SLC4A5: variants seen among roughly 807,000 people sequenced by gnomAD.
SLC4A5 encodes electrogenic sodium bicarbonate cotransporter 4.
In SLC4A5, 96 loss-of-function variants were observed where a neutral mutation model predicts 120.4. That is an observed-to-expected ratio of 0.80 (90% CI 0.68 to 0.94). SLC4A5 has a LOEUF of 0.94. SLC4A5 is among the 40% of genes least tolerant of loss of function. The pLI is 0.00. For missense variants in SLC4A5, 1,259 were observed against 1,459.5 expected, an observed-to-expected ratio of 0.86 and a Z score of 2.24; for synonymous variants, 550 against 571.1, an observed-to-expected ratio of 0.96 and a Z score of 0.53.
At chr2:74,290,059 C>T (rs1466602062) in intron 7 of SLC4A5, among the ~76,000 whole-genome samples, 2 of 152,134 alleles carry the variant, frequency 1.3e-5, no homozygotes, top group Non-Finnish European at 2.9e-5. Flanking sequence ...CGACCCCAGC[C>T]ACAGCAGACC....
intron 6 of SLC4A5, 86 bp downstream of exon 6, chr2:74,314,859 C>A (rs1371783972): frequency 4.8e-6 from 6 of 1,257,634 alleles, no homozygotes; most frequent in African/African-American, 1.5e-5. Context: ...TCCCTAGACT[C>A]TCCTGCTGAA....
exon 7 of SLC4A5, chr2:74,304,547 A>G: frequency 6.2e-7 from 1 of 1,614,184 alleles, no homozygotes; most frequent in Non-Finnish European, 8.5e-7. Flanking sequence ...TCCCTGGGCC[A>G]GTCAGTTCCT....
exon 30 of SLC4A5, chr2:74,221,493 A>G: frequency 6.2e-7 from 1 of 1,614,206 alleles, no homozygotes; most frequent in Non-Finnish European, 8.5e-7. Flanking sequence ...CAACTGGAAG[A>G]TCTTTTTCCT....
At chr2:74,231,693 G>A (rs1474649388) in intron 24 of SLC4A5, among the ~76,000 whole-genome samples, 1 of 152,230 alleles carries the variant, frequency 6.6e-6, no homozygotes, top group Non-Finnish European at 1.5e-5. Flanking sequence ...GAGGATACAT[G>A]CGAGATAAAA....
intron 30 of SLC4A5, among the ~76,000 whole-genome samples, chr2:74,220,810 C>G (rs1694615011): frequency 7.0e-6 from 1 of 142,330 alleles, no homozygotes; most frequent in African/African-American, 2.6e-5. Context: ...GCCACCGCGC[C>G]TGGCTTCTGT....
At chr2:74,269,518 C>A (rs1229805086) in intron 8 of SLC4A5, among the ~76,000 whole-genome samples, 1 of 152,204 alleles carries the variant, frequency 6.6e-6, no homozygotes, top group African/African-American at 2.4e-5. Flanking sequence ...CAGGCGTGAG[C>A]CACCGCGCCC....
At chr2:74,316,699 T>C (rs1235275966) in intron 5 of SLC4A5, among the ~76,000 whole-genome samples, 1 of 152,228 alleles carries the variant, frequency 6.6e-6, no homozygotes, top group East Asian at 1.9e-4. Context: ...CTCTAGCAGC[T>C]AAGCAAGCAC....
chr2:74,281,729 C>T (rs61328461), intron 8 of SLC4A5, among the ~76,000 whole-genome samples: 8,962 of 152,272 alleles, frequency 0.059, 335 homozygotes, highest in East Asian at 0.15. Flanking sequence ...AAACTAATAA[C>T]TCCCGACAAA....
At chr2:74,272,963 C>T (rs1411158131) in intron 8 of SLC4A5, among the ~76,000 whole-genome samples, 3 of 152,206 alleles carry the variant, frequency 2.0e-5, no homozygotes, top group African/African-American at 7.2e-5. Context: ...ATGGAAACTT[C>T]GTAACTCCCA....
intron 6 of SLC4A5, chr2:74,307,981 A>G: frequency 1.8e-6 from 1 of 563,002 alleles, no homozygotes; most frequent in Non-Finnish European, 3.5e-6. Context: ...TAGTTGGAGG[A>G]GAAGGTGGAA....
At chr2:74,316,128 G>C (rs982913174) in intron 5 of SLC4A5, among the ~76,000 whole-genome samples, 1 of 151,542 alleles carries the variant, frequency 6.6e-6, no homozygotes, top group East Asian at 1.9e-4. Flanking sequence ...TCTGTTTCTG[G>C]AACTATAGCC....
At chr2:74,283,292 T>C (rs1166797152) in intron 8 of SLC4A5, among the ~76,000 whole-genome samples, 1 of 152,096 alleles carries the variant, frequency 6.6e-6, no homozygotes, top group Non-Finnish European at 1.5e-5. Flanking sequence ...TTCCTATCTA[T>C]AAAATAGGGA....
chr2:74,285,599 T>C (rs1671956536), intron 8 of SLC4A5, among the ~76,000 whole-genome samples, 174 bp downstream of exon 8: 1 of 152,194 alleles, frequency 6.6e-6, no homozygotes. Flanking sequence ...TGAAGAGGAA[T>C]TCATAAGGTT....
exon 17 of SLC4A5, chr2:74,250,487 C>T: frequency 6.2e-7 from 1 of 1,614,226 alleles, no homozygotes; most frequent in Non-Finnish European, 8.5e-7. Flanking sequence ...GCAACTTCCT[C>T]TTGATATCCA....
chr2:74,233,580 A>T lies in SLC4A5; in HGVS notation c.2434-17T>A. 1 of 1,601,818 alleles carries T rather than the reference A, an allele frequency of 6.2e-7. No individual in the cohort carries two copies. Among genetic ancestry groups the T allele is most frequent in the Non-Finnish European group, 8.5e-7 (1 of 1,172,918 alleles). On this transcript the variant is annotated splice_polypyrimidine_tract_variant and intron_variant, in intron 22 of 30. Transcript: ENST00000394019. ...CCGCGTTGGCTGAGTGGGAGCAAACAGAGAGGGGCCCTTTCCTCTCTCCCT... is the reference window on the plus strand; with the variant it reads ...CCGCGTTGGCTGAGTGGGAGCAAACTGAGAGGGGCCCTTTCCTCTCTCCCT...
chr2:74,292,185 G>A (rs955541395), intron 7 of SLC4A5, among the ~76,000 whole-genome samples: 1 of 152,180 alleles, frequency 6.6e-6, no homozygotes, highest in Admixed American at 6.5e-5. Context: ...CACAGCACTC[G>A]TGTACACCAG....
intron 10 of SLC4A5, among the ~76,000 whole-genome samples, chr2:74,262,457 TG>T (rs1475203576): frequency 6.6e-6 from 1 of 151,216 alleles, no homozygotes; most frequent in Admixed American, 6.6e-5. Context: ...CCCAGCACTT[TG>T]GGAGGCTGAG....
At chr2:74,220,026 C>G (rs1490954415) in intron 30 of SLC4A5, among the ~76,000 whole-genome samples, 2 of 152,172 alleles carry the variant, frequency 1.3e-5, no homozygotes, top group Admixed American at 6.5e-5. Flanking sequence ...GGATGAGTGC[C>G]CTCTGTGCCT....
intron 6 of SLC4A5, chr2:74,307,160 A>C: frequency 1.8e-6 from 1 of 560,258 alleles, no homozygotes; most frequent in South Asian, 1.7e-5. Flanking sequence ...CAACCTTGGC[A>C]GACTGCATGG....
Sources: gnomAD v4.1 joint callset for allele counts (sites outside exome capture counted in the v4.1 genomes callset) on GRCh38, gnomAD v4.1.1 for gene constraint, MANE v1.5 for transcripts, NCBI Gene and HGNC (gene_info 2026-07-23, HGNC 2026-07-21) for gene names.